Variants in TJP2 observed in about 807,000 individuals in gnomAD.
TJP2 encodes the protein tight junction protein 2.
TJP2 carries 91 observed loss-of-function variants against 133.1 expected under a neutral mutation model. The observed-to-expected ratio is 0.68, with a 90% confidence interval of 0.58 to 0.81. The LOEUF (loss-of-function observed/expected upper bound fraction) is 0.81. TJP2 is among the 40% of genes least tolerant of loss of function. TJP2 has a pLI of 0.00. For missense variants in TJP2, 1,541 were observed against 1,565.6 expected (o/e 0.98, Z 0.26); for synonymous variants, 592 against 583.4 (o/e 1.01, Z -0.21).
In TJP2 at chr9:69,254,633, C is replaced by A; in HGVS notation, c.*259C>A. 1.7e-6 allele frequency: 1 copy of A among 599,290 alleles called. No homozygotes were observed. The highest frequency in any genetic ancestry group is 3.0e-6 in the Non-Finnish European group (1 of 335,428). The allele number at this position is 599,290 out of a possible 1,614,324, so 37.1% of individuals were successfully genotyped here. A position where few individuals can be genotyped will look rare whatever the true frequency, so the allele number is the denominator to read the frequency against. ...AGAACACTGCAGTCAGATCCTGTTA[C>A]TTGCTTCAGTGGACCGAAATCTGTA... On this transcript the variant is annotated 3_prime_UTR_variant, in exon 23 of 23. Coordinates refer to ENST00000377245, the MANE Select transcript of TJP2 (RefSeq NM_004817.4).
At chr9:69,169,354 CTTTT>C (rs59465317), upstream of TJP2, among the ~76,000 whole-genome samples, 1 of 120,496 alleles carries the variant, frequency 8.3e-6, no homozygotes. Flanking sequence ...AAACTTTTCT[CTTTT>C]TTTTTTTTTT....
intron 17 of TJP2, among the ~76,000 whole-genome samples, chr9:69,244,282 T>C (rs984566072): frequency 1.3e-5 from 2 of 152,042 alleles, no homozygotes; most frequent in African/African-American, 4.8e-5. Context: ...TTAGAACATT[T>C]TTATCATCCC....
intron 1 of TJP2, among the ~76,000 whole-genome samples, chr9:69,144,945 A>G (rs1323109957): frequency 1.3e-5 from 2 of 151,624 alleles, no homozygotes; most frequent in Admixed American, 1.3e-4. Flanking sequence ...ACCTTTACCC[A>G]TGGACAAAGG....
At chr9:69,189,836 G>A (rs1309874492) in intron 1 of TJP2, among the ~76,000 whole-genome samples, 1 of 110,612 alleles carries the variant, frequency 9.0e-6, no homozygotes, top group Non-Finnish European at 2.0e-5. Flanking sequence ...GGCCAGGCAC[G>A]GTGGCTCATG....
chr9:69,163,629 C>A (rs1210313234), intron 2 of TJP2, among the ~76,000 whole-genome samples: 1 of 128,536 alleles, frequency 7.8e-6, no homozygotes, highest in African/African-American at 2.9e-5. Context: ...GAGTGAGAGA[C>A]CCTGTCTCCA....
chr9:69,219,496 A>G (rs913953299), intron 4 of TJP2, among the ~76,000 whole-genome samples: 3 of 152,202 alleles, frequency 2.0e-5, no homozygotes, highest in Admixed American at 6.5e-5. Context: ...TGCATTTCCT[A>G]TGAATGAGGA....
At chr9:69,234,727 A>T (rs577665135) in intron 12 of TJP2, among the ~76,000 whole-genome samples, 180 bp downstream of exon 12, 32 of 152,262 alleles carry the variant, frequency 2.1e-4, no homozygotes, top group African/African-American at 7.0e-4. Context: ...AACTTTCCAT[A>T]AAAATGTTTT....
At chr9:69,165,279 C>T (rs1824289708) in intron 2 of TJP2, among the ~76,000 whole-genome samples, 1 of 152,140 alleles carries the variant, frequency 6.6e-6, no homozygotes, top group African/African-American at 2.4e-5. Flanking sequence ...AGGTGTGTGC[C>T]ATCACGCTAG....
rs201118051 is a variant in TJP2, at chr9:69,227,873, G to C, written c.1319G>C (p.Ser440Thr). ...AGTGAGAAGCTGAAGGAAAGGCCAA[G>C]GTAAGATGACATGAATATTCTCTTG... ...SSSEKLKERP[S>T]SREDTPSRLS... The change falls in exon 8 of 23, where the codon AGT becomes ACT. Residue 440 changes from serine to threonine, a missense_variant and splice_region_variant. Coordinates refer to ENST00000377245, the MANE Select transcript of TJP2 (RefSeq NM_004817.4). 6.2e-6 allele frequency: 10 copies of C among 1,613,194 alleles called. No homozygotes were observed. In the South Asian group the frequency reaches 7.7e-5, roughly 12 times the overall value.
chr9:69,140,992 G>A (rs532336697), intron 1 of TJP2, among the ~76,000 whole-genome samples: 7 of 152,220 alleles, frequency 4.6e-5, no homozygotes, highest in Admixed American at 2.6e-4. Context: ...GACTACAGGC[G>A]TGCACCACCA....
At chr9:69,134,932 G>GGAGAAGA in intron 1 of TJP2, among the ~76,000 whole-genome samples, 1 of 150,776 alleles carries the variant, frequency 6.6e-6, no homozygotes, top group African/African-American at 2.4e-5. Context: ...GGAGAGAGAG[G>GGAGAAGA]GAGAAGAGAG....
intron 14 of TJP2, 33 bp from the exon 15 acceptor site, chr9:69,237,845 T>A: frequency 6.9e-7 from 1 of 1,455,262 alleles, no homozygotes; most frequent in Non-Finnish European, 9.7e-7. Context: ...TAGGCAAGTG[T>A]GTATGCTTTA....
At chr9:69,192,887 G>C (rs978401946) in intron 1 of TJP2, among the ~76,000 whole-genome samples, 8 of 150,670 alleles carry the variant, frequency 5.3e-5, no homozygotes, top group Non-Finnish European at 1.0e-4. Flanking sequence ...GGTGTGATCA[G>C]TGCCAGGGTC....
chr9:69,222,128 T>C (rs1158498887), intron 5 of TJP2, among the ~76,000 whole-genome samples: 2 of 151,430 alleles, frequency 1.3e-5, no homozygotes, highest in African/African-American at 2.4e-5. Context: ...CACTGCAGCC[T>C]CCCAAAGTGC....
chr9:69,138,848 C>T (rs534962137), intron 1 of TJP2, among the ~76,000 whole-genome samples: 6 of 152,072 alleles, frequency 3.9e-5, no homozygotes, highest in Non-Finnish European at 8.8e-5. Context: ...ACCTGGGAGG[C>T]GGATGTTGTA....
intron 1 of TJP2, among the ~76,000 whole-genome samples, chr9:69,181,522 A>G (rs1825512585): frequency 6.6e-6 from 1 of 152,176 alleles, no homozygotes; most frequent in South Asian, 2.1e-4. Flanking sequence ...TGCTGGGATT[A>G]TAGGCATGAG....
intron 9 of TJP2, 21 bp from the exon 10 acceptor site, chr9:69,229,160 CAGT>C (rs1829573703): frequency 6.2e-7 from 1 of 1,608,922 alleles, no homozygotes; most frequent in African/African-American, 1.3e-5. Context: ...AGATTGATAA[CAGT>C]AGATGTTTCT....
intron 1 of TJP2, among the ~76,000 whole-genome samples, chr9:69,206,764 A>G (rs1178803577): frequency 6.6e-6 from 1 of 151,870 alleles, no homozygotes; most frequent in Non-Finnish European, 1.5e-5. Context: ...TTTTTAGTAG[A>G]GATGGGGTTT....
At chr9:69,234,736 T>C (rs949942025) in intron 12 of TJP2, among the ~76,000 whole-genome samples, 189 bp downstream of exon 12, 3 of 152,184 alleles carry the variant, frequency 2.0e-5, no homozygotes, top group African/African-American at 7.2e-5. Context: ...TAAAAATGTT[T>C]TCTATGCATG....
Sources: gnomAD v4.1 joint callset for allele counts (sites outside exome capture counted in the v4.1 genomes callset) on GRCh38, gnomAD v4.1.1 for gene constraint, MANE v1.5 for transcripts, NCBI Gene and HGNC (gene_info 2026-07-23, HGNC 2026-07-21) for gene names.